CDH12: variants seen among roughly 807,000 people sequenced by gnomAD.
CDH12 encodes cadherin-12.
Under a neutral mutation model 74.1 loss-of-function variants are expected in CDH12, and 41 were observed. That is an observed-to-expected ratio of 0.55 (90% CI 0.43 to 0.72). The LOEUF is 0.72. Ranked by LOEUF, CDH12 falls within the 30% of genes least tolerant of loss-of-function variation. CDH12 has a pLI of 0.00. For synonymous variants in CDH12, 399 were observed against 355.0 expected (o/e 1.12, Z -1.39); for missense variants, 945 against 977.2 (o/e 0.97, Z 0.44).
chr5:22,476,360 C>T (rs1415537267), intron 2 of CDH12, among the ~76,000 whole-genome samples: 1 of 151,936 alleles, frequency 6.6e-6, no homozygotes, highest in East Asian at 1.9e-4. Flanking sequence ...GAATGGTACA[C>T]ATCATTCATA....
chr5:22,841,432 G>A (rs1737077058), intron 1 of CDH12, among the ~76,000 whole-genome samples: 1 of 152,128 alleles, frequency 6.6e-6, no homozygotes, highest in African/African-American at 2.4e-5. Context: ...TTGGACGTGT[G>A]AATTTGGAAT....
At chr5:22,343,323 C>CACAG (rs1378956871) in intron 3 of CDH12, among the ~76,000 whole-genome samples, 348 of 136,330 alleles carry the variant, frequency 2.6e-3, no homozygotes, top group African/African-American at 9.2e-3. Context: ...GACACACACA[C>CACAG]AGAGAGAGAG....
chr5:22,364,130 TG>T (rs1458000568), intron 3 of CDH12, among the ~76,000 whole-genome samples: 1 of 152,114 alleles, frequency 6.6e-6, no homozygotes, highest in Non-Finnish European at 1.5e-5. Flanking sequence ...AAGATAAGAT[TG>T]TATGGCTTTG....
chr5:21,999,450 C>T (rs1254959092), intron 5 of CDH12, among the ~76,000 whole-genome samples: 5 of 152,256 alleles, frequency 3.3e-5, no homozygotes, highest in African/African-American at 1.2e-4. Flanking sequence ...GTTTGATGCG[C>T]TATCAGTTAA....
chr5:22,374,106 T>C (rs1023052708), intron 3 of CDH12, among the ~76,000 whole-genome samples: 3 of 151,908 alleles, frequency 2.0e-5, no homozygotes, highest in African/African-American at 7.3e-5. Flanking sequence ...AAAAAGATAA[T>C]ATGCCATGAC....
At chr5:22,746,589 A>C (rs1745308920) in intron 1 of CDH12, among the ~76,000 whole-genome samples, 1 of 152,238 alleles carries the variant, frequency 6.6e-6, no homozygotes, top group Non-Finnish European at 1.5e-5. Context: ...TATTTCTGAC[A>C]GTACGTTTAG....
intron 1 of CDH12, among the ~76,000 whole-genome samples, chr5:22,654,906 C>T (rs1739954834): frequency 6.6e-6 from 1 of 152,196 alleles, no homozygotes; most frequent in African/African-American, 2.4e-5. Context: ...GCTGGGAATA[C>T]AGGCATGAGC....
At chr5:22,403,106 G>T (rs1318344158) in intron 3 of CDH12, among the ~76,000 whole-genome samples, 1 of 152,174 alleles carries the variant, frequency 6.6e-6, no homozygotes, top group Non-Finnish European at 1.5e-5. Context: ...AAGCATGGAG[G>T]AGAGAGGCAT....
At chr5:21,880,603 CCT>C (rs1752239785) in intron 6 of CDH12, among the ~76,000 whole-genome samples, 2 of 62,314 alleles carry the variant, frequency 3.2e-5, no homozygotes, top group African/African-American at 1.1e-4. Context: ...TTCCTTCCTT[CCT>C]TCCTTCCTTC....
At chr5:22,640,430 A>G (rs547604208) in intron 1 of CDH12, among the ~76,000 whole-genome samples, 4 of 151,974 alleles carry the variant, frequency 2.6e-5, no homozygotes, top group Non-Finnish European at 5.9e-5. Context: ...ACACAATCCT[A>G]CTCTGTTTAC....
intron 3 of CDH12, among the ~76,000 whole-genome samples, chr5:22,277,402 T>C (rs1206785933): frequency 3.9e-5 from 6 of 152,134 alleles, no homozygotes; most frequent in Non-Finnish European, 8.8e-5. Flanking sequence ...TTGGTAGAAA[T>C]CTTTCATCAC....
intron 2 of CDH12, among the ~76,000 whole-genome samples, chr5:22,435,098 A>G (rs192584486): frequency 6.6e-6 from 1 of 152,236 alleles, no homozygotes; most frequent in African/African-American, 2.4e-5. Context: ...AAAGGAGATT[A>G]ACATTTGAGT....
intron 4 of CDH12, among the ~76,000 whole-genome samples, chr5:22,206,193 G>C (rs1425034107): frequency 6.6e-6 from 1 of 152,062 alleles, no homozygotes; most frequent in Non-Finnish European, 1.5e-5. Flanking sequence ...GGGGGCAGTG[G>C]TGATATGAGA....
At chr5:22,836,217 C>CTT (rs1561065915) in intron 1 of CDH12, among the ~76,000 whole-genome samples, 1 of 20,472 alleles carries the variant, frequency 4.9e-5, no homozygotes, top group African/African-American at 1.9e-4. Flanking sequence ...TTTTTTCTTT[C>CTT]TTTCTCTTTT....
intron 1 of CDH12, among the ~76,000 whole-genome samples, chr5:22,538,625 C>T (rs1237553617): frequency 6.6e-6 from 1 of 152,170 alleles, no homozygotes; most frequent in Non-Finnish European, 1.5e-5. Flanking sequence ...TTTGAAGAAC[C>T]ACTAGCCCAG....
At chr5:22,490,856 T>C (rs1746832959) in intron 2 of CDH12, among the ~76,000 whole-genome samples, 1 of 152,198 alleles carries the variant, frequency 6.6e-6, no homozygotes, top group African/African-American at 2.4e-5. Flanking sequence ...GTCAACACTT[T>C]GTCAAGAACT....
intron 6 of CDH12, among the ~76,000 whole-genome samples, chr5:21,942,275 T>G (rs1755363856): frequency 6.6e-6 from 1 of 151,320 alleles, no homozygotes; most frequent in African/African-American, 2.4e-5. Context: ...AGTAGATTTG[T>G]GGTGTTTTAA....
intron 7 of CDH12, among the ~76,000 whole-genome samples, chr5:21,850,924 A>G (rs1750432212): frequency 6.6e-6 from 1 of 151,446 alleles, no homozygotes; most frequent in African/African-American, 2.4e-5. Context: ...ATGTAAATTA[A>G]GAGATACGGA....
At chr5:22,739,317 C>CT (rs1212771586) in intron 1 of CDH12, among the ~76,000 whole-genome samples, 1 of 74,894 alleles carries the variant, frequency 1.3e-5, no homozygotes, top group Non-Finnish European at 3.4e-5. Context: ...AAAAATTTTA[C>CT]TTTTTTTTAC....
Sources: gnomAD v4.1 joint callset for allele counts (sites outside exome capture counted in the v4.1 genomes callset) on GRCh38, gnomAD v4.1.1 for gene constraint, MANE v1.5 for transcripts, NCBI Gene and HGNC (gene_info 2026-07-23, HGNC 2026-07-21) for gene names.